Variants in ICA1L observed in about 807,000 individuals in gnomAD.
ICA1L encodes the protein islet cell autoantigen 1-like protein.
ICA1L carries 50 observed loss-of-function variants against 61.3 expected under a neutral mutation model. That is an observed-to-expected ratio of 0.82 (90% confidence interval 0.65 to 1.03). ICA1L has a LOEUF of 1.03. Ranked by LOEUF, ICA1L falls within the 50% of genes least tolerant of loss-of-function variation. The probability of loss-of-function intolerance (pLI) is 0.00; values close to 1 mark genes in which losing one functional copy is unlikely to be tolerated. For synonymous variants in ICA1L, 161 were observed against 191.3 expected, an observed-to-expected ratio of 0.84 and a Z score of 1.31; for missense variants, 508 against 556.7, an observed-to-expected ratio of 0.91 and a Z score of 0.88.
In ICA1L at chr2:202,773,394, A is replaced by G. The variant is rs966440059; in HGVS notation, c.*6139T>C. 5.9e-6 allele frequency: 1 copy of G among 168,416 alleles called. No individual in the cohort carries two copies. The highest frequency in any genetic ancestry group is 2.4e-5 in the African/African-American group (1 of 41,742). 10.4% of individuals were successfully genotyped at this position (168,416 alleles called of 1,614,324 possible). ...ACTACCAAAGACCTTGAAGCTAAAC[A>G]AACAAAGAAAACAAAATTTCAATGA... On this transcript the variant is annotated 3_prime_UTR_variant, in exon 13 of 13. Transcript: ENST00000358299.
At chr2:202,833,411 T>C (rs1694063800) in intron 1 of ICA1L, among the ~76,000 whole-genome samples, 1 of 152,014 alleles carries the variant, frequency 6.6e-6, no homozygotes, top group Non-Finnish European at 1.5e-5. Context: ...CAAGACTCCA[T>C]ATCTACAAAA....
Position 202,779,332 on chromosome 2 carries a change from C to A in ICA1L, c.*201G>T. The stretch of plus-strand genomic sequence containing the variant: ...AGTTTCTAATATTTTCCACATAGTA[C>A]CAACAGCTGCAAATCCAAGATATGA... On this transcript the variant is annotated 3_prime_UTR_variant, in exon 13 of 13. Transcript: ENST00000358299. 2.3e-6 allele frequency: 1 copy of A among 436,250 alleles called. No individual in the cohort carries two copies. The highest frequency in any genetic ancestry group is 4.0e-6 in the Non-Finnish European group (1 of 248,672). The allele number at this position is 436,250 out of a possible 1,614,324, so 27.0% of individuals were successfully genotyped here.
chr2:202,841,856 G>A (rs1423415879), intron 1 of ICA1L: 1 of 260,514 alleles, frequency 3.8e-6, no homozygotes, highest in Non-Finnish European at 7.5e-6. Context: ...CTGCTTCTTG[G>A]TCTATTTTTT....
intron 3 of ICA1L, chr2:202,825,431 C>G: frequency 1.3e-6 from 1 of 776,698 alleles, no homozygotes; most frequent in Non-Finnish European, 1.7e-6. Flanking sequence ...GATTGCACCA[C>G]TGCACTCCAA....
intron 8 of ICA1L, among the ~76,000 whole-genome samples, chr2:202,812,584 A>C (rs1431449966): frequency 1.3e-5 from 2 of 152,170 alleles, no homozygotes; most frequent in East Asian, 1.9e-4. Context: ...CTCAAACAAA[A>C]AAAAAAAGAA....
intron 9 of ICA1L, among the ~76,000 whole-genome samples, chr2:202,797,330 G>A (rs1483287218): frequency 2.0e-5 from 3 of 152,038 alleles, no homozygotes; most frequent in Non-Finnish European, 4.4e-5. Flanking sequence ...TCCATGCCTT[G>A]ACACTCTGAC....
chr2:202,842,291 A>C (rs1694356434), intron 1 of ICA1L, among the ~76,000 whole-genome samples: 1 of 152,208 alleles, frequency 6.6e-6, no homozygotes, highest in African/African-American at 2.4e-5. Flanking sequence ...ACTCATTAGC[A>C]TCCTTTCCTC....
chr2:202,832,611 C>G (rs578251532), intron 1 of ICA1L, among the ~76,000 whole-genome samples: 1 of 151,992 alleles, frequency 6.6e-6, no homozygotes, highest in Non-Finnish European at 1.5e-5. Context: ...AGTTCAGTAA[C>G]TGTAATTTAA....
At chr2:202,787,967 C>T (rs1235947517) in intron 11 of ICA1L, among the ~76,000 whole-genome samples, 2 of 152,144 alleles carry the variant, frequency 1.3e-5, no homozygotes, top group East Asian at 3.8e-4. Flanking sequence ...TACTGAACAT[C>T]AGAAGCAGAA....
At chr2:202,837,704 C>T (rs1414877151) in intron 1 of ICA1L, among the ~76,000 whole-genome samples, 1 of 151,452 alleles carries the variant, frequency 6.6e-6, no homozygotes, top group African/African-American at 2.4e-5. Flanking sequence ...TTTTCTAGTT[C>T]CTTAAGGGAT....
At chr2:202,799,171 T>A (rs972098263) in intron 9 of ICA1L, among the ~76,000 whole-genome samples, 1 of 152,240 alleles carries the variant, frequency 6.6e-6, no homozygotes, top group Non-Finnish European at 1.5e-5. Flanking sequence ...ATAATTATAT[T>A]TTTAATTTTA....
At chr2:202,813,547 G>A (rs1191958842) in intron 8 of ICA1L, among the ~76,000 whole-genome samples, 1 of 152,184 alleles carries the variant, frequency 6.6e-6, no homozygotes, top group Non-Finnish European at 1.5e-5. Context: ...GGGCTTTAGT[G>A]CTGCATCATA....
At chr2:202,801,593 C>A (rs772274881) in intron 9 of ICA1L, among the ~76,000 whole-genome samples, 124 of 152,256 alleles carry the variant, frequency 8.1e-4, no homozygotes, top group Non-Finnish European at 1.5e-3. Context: ...ACACTTTTTT[C>A]TCTGTTCTCC....
chr2:202,844,554 CCAGT>C (rs1197288790), intron 1 of ICA1L: 1 of 152,064 alleles, frequency 6.6e-6, no homozygotes, highest in East Asian at 1.9e-4. Context: ...ATTCAACAAG[CCAGT>C]CAGAGGTAAC....
intron 1 of ICA1L, chr2:202,841,112 G>A (rs1694317825): frequency 1.6e-6 from 1 of 638,074 alleles, no homozygotes; most frequent in Admixed American, 1.9e-5. Flanking sequence ...GCTGCCCGAG[G>A]AGGTTGATCT....
chr2:202,808,642 C>A (rs1378612580), intron 9 of ICA1L, among the ~76,000 whole-genome samples: 2 of 152,136 alleles, frequency 1.3e-5, no homozygotes, highest in African/African-American at 4.8e-5. Context: ...AACAGGAGGC[C>A]CAGGCTGAGA....
chr2:202,837,626 T>C (rs930069074), intron 1 of ICA1L, among the ~76,000 whole-genome samples: 2 of 152,126 alleles, frequency 1.3e-5, no homozygotes, highest in African/African-American at 4.8e-5. Flanking sequence ...TTCTAGTCTC[T>C]ATTTATTTCT....
chr2:202,837,411 G>C (rs1030736728), intron 1 of ICA1L, among the ~76,000 whole-genome samples: 1 of 151,974 alleles, frequency 6.6e-6, no homozygotes, highest in Non-Finnish European at 1.5e-5. Flanking sequence ...AGCCTCCTGA[G>C]TAGCTGGGAT....
At chr2:202,803,026 G>A (rs1034723389) in intron 9 of ICA1L, among the ~76,000 whole-genome samples, 3 of 152,048 alleles carry the variant, frequency 2.0e-5, no homozygotes, top group South Asian at 2.1e-4. Flanking sequence ...GGCTAAACTC[G>A]CCAGTTAAAA....
Sources: gnomAD v4.1 joint callset for allele counts (sites outside exome capture counted in the v4.1 genomes callset) on GRCh38, gnomAD v4.1.1 for gene constraint, MANE v1.5 for transcripts, NCBI Gene and HGNC (gene_info 2026-07-23, HGNC 2026-07-21) for gene names.